WDPCP: variants seen among roughly 807,000 people sequenced by gnomAD.
WDPCP encodes the protein WD repeat containing planar cell polarity effector.
In WDPCP, 71 loss-of-function variants were observed where a neutral mutation model predicts 93.1. The ratio of observed to expected loss-of-function variants is 0.76; its 90% confidence interval spans 0.63 to 0.93. WDPCP has a LOEUF of 0.93. Ranked by LOEUF, WDPCP falls within the 40% of genes least tolerant of loss-of-function variation. WDPCP has a pLI of 0.00. For missense variants in WDPCP, 844 were observed against 887.4 expected, an observed-to-expected ratio of 0.95 and a Z score of 0.62; for synonymous variants, 315 against 315.0, an observed-to-expected ratio of 1.00 and a Z score of 0.00.
intron 2 of WDPCP, among the ~76,000 whole-genome samples, chr2:63,698,154 C>T (rs2103694249): frequency 6.6e-6 from 1 of 151,756 alleles, no homozygotes; most frequent in African/African-American, 2.4e-5. Context: ...CGGGGTTTCA[C>T]CATGTTGGCC....
intron 1 of WDPCP, among the ~76,000 whole-genome samples, chr2:63,522,869 T>G (rs1221576776): frequency 6.6e-6 from 1 of 152,194 alleles, no homozygotes; most frequent in Non-Finnish European, 1.5e-5. Context: ...CACTGCTAAA[T>G]TCTACTAAAT....
chr2:63,813,895 G>A (rs1164797130), intron 1 of WDPCP, among the ~76,000 whole-genome samples: 1 of 152,108 alleles, frequency 6.6e-6, no homozygotes, highest in East Asian at 1.9e-4. Flanking sequence ...TATGTTTGCT[G>A]ATAAATACTA....
intron 2 of WDPCP, among the ~76,000 whole-genome samples, chr2:63,754,820 G>A (rs1268423429): frequency 6.6e-6 from 1 of 152,200 alleles, no homozygotes; most frequent in Non-Finnish European, 1.5e-5. Flanking sequence ...AAACTTAGCA[G>A]CTTAAAACAA....
At chr2:63,230,570 C>CTATT (rs536135617) in intron 14 of WDPCP, among the ~76,000 whole-genome samples, 208 of 152,260 alleles carry the variant, frequency 1.4e-3, no homozygotes, top group African/African-American at 4.7e-3. Flanking sequence ...AAAAGTGTTC[C>CTATT]TATTTCTCCA....
At chr2:63,414,150 T>C (rs1160696064) in intron 9 of WDPCP, among the ~76,000 whole-genome samples, 3 of 152,092 alleles carry the variant, frequency 2.0e-5, no homozygotes, top group Non-Finnish European at 2.9e-5. Context: ...CCTTCAAGAA[T>C]GGCCATAATC....
intron 12 of WDPCP, among the ~76,000 whole-genome samples, chr2:63,315,826 T>C (rs905061296): frequency 1.3e-5 from 2 of 152,088 alleles, no homozygotes; most frequent in Non-Finnish European, 2.9e-5. Context: ...AGCGTGATTA[T>C]AGCTCACTGT....
intron 14 of WDPCP, among the ~76,000 whole-genome samples, chr2:63,195,307 T>TGA (rs2104272069): frequency 6.6e-6 from 1 of 152,360 alleles, no homozygotes; most frequent in East Asian, 1.9e-4. Flanking sequence ...CTGATAATTA[T>TGA]GAGATTTATT....
At chr2:63,645,428 G>T (rs1388957618) in intron 3 of WDPCP, among the ~76,000 whole-genome samples, 1 of 152,056 alleles carries the variant, frequency 6.6e-6, no homozygotes, top group Non-Finnish European at 1.5e-5. Context: ...CTAACATATG[G>T]TTTACCCTTG....
intron 12 of WDPCP, among the ~76,000 whole-genome samples, chr2:63,373,253 T>G (rs951691483): frequency 9.4e-6 from 1 of 106,332 alleles, no homozygotes; most frequent in South Asian, 2.7e-4. Context: ...ATTTTTTTGT[T>G]GTTTTTTTTT....
At chr2:63,612,513 T>G (rs953613780) in intron 3 of WDPCP, among the ~76,000 whole-genome samples, 1 of 152,156 alleles carries the variant, frequency 6.6e-6, no homozygotes, top group Non-Finnish European at 1.5e-5. Flanking sequence ...CCATAAATCC[T>G]CTCTCCTAGG....
chr2:63,556,223 T>A (rs780794688), intron 1 of WDPCP, among the ~76,000 whole-genome samples: 13 of 152,080 alleles, frequency 8.5e-5, no homozygotes, highest in African/African-American at 3.1e-4. Context: ...AACAGCCAAA[T>A]AGACCAAGTG....
At chr2:63,729,316 A>G (rs1669529024) in intron 2 of WDPCP, among the ~76,000 whole-genome samples, 1 of 152,218 alleles carries the variant, frequency 6.6e-6, no homozygotes, top group South Asian at 2.1e-4. Flanking sequence ...ACCATTTTGT[A>G]ATACACCACA....
At chr2:63,238,707 A>G (rs575919913) in intron 14 of WDPCP, among the ~76,000 whole-genome samples, 9 of 152,288 alleles carry the variant, frequency 5.9e-5, no homozygotes, top group African/African-American at 2.2e-4. Flanking sequence ...TCTAGTCCAA[A>G]CCTAGGAAGT....
At chr2:63,650,612 G>A (rs182136362) in intron 3 of WDPCP, 6 of 152,296 alleles carry the variant, frequency 3.9e-5, no homozygotes, top group African/African-American at 1.2e-4. Context: ...AGTAAAAATT[G>A]GAGGAAGATA....
intron 1 of WDPCP, among the ~76,000 whole-genome samples, chr2:63,543,038 A>G (rs917342650): frequency 1.3e-5 from 2 of 152,216 alleles, no homozygotes; most frequent in Non-Finnish European, 2.9e-5. Flanking sequence ...TTTGAAGAGA[A>G]GTAGTAAAAC....
At chr2:63,526,505 A>G (rs542447188) in intron 1 of WDPCP, among the ~76,000 whole-genome samples, 1 of 152,300 alleles carries the variant, frequency 6.6e-6, no homozygotes, top group African/African-American at 2.4e-5. Context: ...TATCAGAACA[A>G]AACTCAAACC....
At chr2:63,731,143 C>A (rs534664837) in intron 2 of WDPCP, among the ~76,000 whole-genome samples, 1 of 152,064 alleles carries the variant, frequency 6.6e-6, no homozygotes, top group Admixed American at 6.5e-5. Flanking sequence ...GTGTCACGTG[C>A]CTGTAGTTCC....
intron 9 of WDPCP, among the ~76,000 whole-genome samples, chr2:63,428,360 A>G (rs527519459): frequency 1.3e-5 from 2 of 152,200 alleles, no homozygotes; most frequent in Non-Finnish European, 2.9e-5. Context: ...AACCAAATCC[A>G]GCAGTACATC....
intron 17 of WDPCP, among the ~76,000 whole-genome samples, chr2:63,139,170 T>TACACACACAC (rs143596446): frequency 1.4e-4 from 21 of 149,330 alleles, no homozygotes; most frequent in African/African-American, 4.2e-4. Flanking sequence ...TATATGTGTA[T>TACACACACAC]ACACACACAC....
Sources: allele counts gnomAD v4.1 joint callset (sites outside exome capture counted in the v4.1 genomes callset), GRCh38; gene constraint gnomAD v4.1.1; transcripts MANE v1.5; gene names NCBI Gene and HGNC (gene_info 2026-07-23, HGNC 2026-07-21).